Variants in PCGF6 observed in about 807,000 individuals in gnomAD.
PCGF6 encodes the protein polycomb group ring finger 6.
Under a neutral mutation model 45.5 loss-of-function variants are expected in PCGF6, and 24 were observed. The ratio of observed to expected loss-of-function variants is 0.53; its 90% CI spans 0.38 to 0.74. PCGF6 has a LOEUF of 0.74. Among genes scored for constraint, PCGF6 ranks in the 30% least tolerant of loss-of-function variants. PCGF6 has a pLI of 0.00. For missense variants in PCGF6, 356 were observed against 443.2 expected, an observed-to-expected ratio of 0.80 and a Z score of 1.77; for synonymous variants, 152 against 162.1, an observed-to-expected ratio of 0.94 and a Z score of 0.47.
In PCGF6 at chr10:103,303,756, T is replaced by C; in HGVS notation, c.*149A>G. 1.6e-6 allele frequency: 1 copy of C among 643,586 alleles called. No individual in the cohort carries two copies. The highest frequency in any genetic ancestry group is 2.7e-6 in the Non-Finnish European group (1 of 370,450). The allele number at this position is 643,586 out of a possible 1,614,324, so 39.9% of individuals were successfully genotyped here. On this transcript the variant is annotated 3_prime_UTR_variant, in exon 10 of 10. Transcript: ENST00000369847. ...GCATTCCATCGTTCCAAGTTGTACT[T>C]ATAAACGCTATAATTCTTGGTGCTA...
Position 103,339,806 on chromosome 10 carries a change from AAAAAACACACACACACACACACAC to A in PCGF6, c.782+5194_782+5217del, listed in dbSNP as rs1484980141. On this transcript the variant is annotated intron_variant, in intron 6 of 9. Coordinates refer to ENST00000369847, the MANE Select transcript of PCGF6 (RefSeq NM_001011663.2). Reference sequence around the variant, plus strand: ...AAGCGAAATTCTGTCTGTCTCAAAAAAAAAACACACACACACACACACACACACACACACACACACACACACACA... The same window carrying A: ...AAGCGAAATTCTGTCTGTCTCAAAAAACACACACACACACACACACACACA... 1.2e-3 allele frequency among the ~76,000 whole-genome samples: 85 copies of A among 71,210 alleles called. 4 individuals are homozygous for A. The highest frequency in any genetic ancestry group is 4.1e-3 in the African/African-American group (77 of 18,696). The allele number at this position is 71,210 out of a possible 152,430, so 46.7% of individuals were successfully genotyped here. A position where few individuals can be genotyped will look rare whatever the true frequency, so the allele number is the denominator to read the frequency against.
At chr10:103,333,328 CA>C (rs1375656060) in intron 7 of PCGF6, among the ~76,000 whole-genome samples, 1 of 152,060 alleles carries the variant, frequency 6.6e-6, no homozygotes, top group African/African-American at 2.4e-5. Context: ...AGACACTTGA[CA>C]AAGTCACTGA....
At chr10:103,312,807 C>T (rs1399792399) in intron 9 of PCGF6, among the ~76,000 whole-genome samples, 1 of 151,920 alleles carries the variant, frequency 6.6e-6, no homozygotes, top group African/African-American at 2.4e-5. Flanking sequence ...ACTAAAAACA[C>T]AAAATTAGTT....
chr10:103,314,171 A>G lies in PCGF6; in HGVS notation c.996+15T>C. On this transcript the variant is annotated intron_variant, in intron 9 of 9. Transcript: ENST00000369847. ...AGTAACTTATCTGTTAGACATGGGT[A>G]TGTCTATAACCTACCTGCATTGCTG... 6.5e-7 allele frequency: 1 copy of G among 1,528,832 alleles called. No individual in the cohort carries two copies. Among genetic ancestry groups the G allele is most frequent in the Non-Finnish European group, 8.9e-7 (1 of 1,119,700 alleles). 94.7% of individuals were successfully genotyped at this position (1,528,832 alleles called of 1,614,324 possible).
intron 9 of PCGF6, among the ~76,000 whole-genome samples, chr10:103,309,081 C>T (rs1032202066): frequency 6.6e-6 from 1 of 151,928 alleles, no homozygotes; most frequent in Admixed American, 6.6e-5. Context: ...AAGGGACTAG[C>T]CTTGTCTCAG....
intron 3 of PCGF6, 103 bp from the exon 4 acceptor site, chr10:103,347,553 C>T (rs2093304094): frequency 1.1e-6 from 1 of 893,372 alleles, no homozygotes; most frequent in South Asian, 1.6e-5. Flanking sequence ...TATCTTTTTT[C>T]TCAGAGGTGA....
intron 8 of PCGF6, among the ~76,000 whole-genome samples, chr10:103,314,720 C>T (rs1429682725): frequency 6.6e-6 from 1 of 151,892 alleles, no homozygotes; most frequent in African/African-American, 2.4e-5. Flanking sequence ...GAGGCAGAGG[C>T]GGGCAGATCA....
At chr10:103,327,221 G>C (rs2093222048) in intron 7 of PCGF6, among the ~76,000 whole-genome samples, 1 of 152,104 alleles carries the variant, frequency 6.6e-6, no homozygotes, top group South Asian at 2.1e-4. Context: ...GGAGGCAGAG[G>C]TTGCAGAGAG....
intron 6 of PCGF6, among the ~76,000 whole-genome samples, chr10:103,339,811 AC>A (rs111576817): frequency 0.34 from 15,003 of 44,482 alleles, 1,712 homozygotes; most frequent in Non-Finnish European, 0.38. Context: ...CAAAAAAAAA[AC>A]ACACACACAC....
At chr10:103,337,863 G>A (rs1399676273) in intron 6 of PCGF6, among the ~76,000 whole-genome samples, 1 of 112,392 alleles carries the variant, frequency 8.9e-6, no homozygotes, top group Non-Finnish European at 1.9e-5. Flanking sequence ...AGGAGATCGA[G>A]ACCATCCCGG....
At chr10:103,331,771 T>A (rs1327913213) in intron 7 of PCGF6, among the ~76,000 whole-genome samples, 1 of 152,178 alleles carries the variant, frequency 6.6e-6, no homozygotes, top group African/African-American at 2.4e-5. Context: ...CTTATTATAT[T>A]CCTTCAGTGT....
chr10:103,350,062 G>A (rs1425643933), intron 1 of PCGF6, among the ~76,000 whole-genome samples: 3 of 151,096 alleles, frequency 2.0e-5, no homozygotes, highest in Admixed American at 2.0e-4. Flanking sequence ...CAGCCTGGGC[G>A]ACAGAGCGAG....
chr10:103,303,260 T>C lies in PCGF6; in HGVS notation c.*645A>G, dbSNP rs1239499711. The C allele has an allele frequency of 6.6e-6, 1 of 152,580 alleles. No homozygotes were observed. Among genetic ancestry groups the C allele is most frequent in the African/African-American group, 2.4e-5 (1 of 41,464 alleles). The allele number at this position is 152,580 out of a possible 1,614,324, so 9.5% of individuals were successfully genotyped here. The stretch of plus-strand genomic sequence containing the variant: ...GAAGCACCCCTTATTGGAAGATGTA[T>C]TGAAGAAGTCTTATTACACTGAAAT... On this transcript the variant is annotated 3_prime_UTR_variant, in exon 10 of 10. Transcript: ENST00000369847.
At chr10:103,325,606 G>A (rs543596828) in intron 8 of PCGF6, among the ~76,000 whole-genome samples, 3 of 152,174 alleles carry the variant, frequency 2.0e-5, no homozygotes, top group Non-Finnish European at 2.9e-5. Context: ...TAAAGAAAGC[G>A]GATGATAAGC....
At position 103,305,215 on chromosome 10, in the gene PCGF6, TA is replaced by T. The variant is rs1564720985; in HGVS notation, c.997-1255del. Among the ~76,000 whole-genome samples the T allele has an allele frequency of 2.3e-4, 31 of 135,950 alleles. No homozygotes were observed. The South Asian group carries it at 8.3e-3, about 36-fold the overall frequency. The allele number at this position is 135,950 out of a possible 152,430, so 89.2% of individuals were successfully genotyped here. A position where few individuals can be genotyped will look rare whatever the true frequency, so the allele number is the denominator to read the frequency against. On this transcript the variant is annotated intron_variant, in intron 9 of 9. Transcript: ENST00000369847. ...TCTCAAACTCTTGAGCTTCAAGCAA[TA>T]CCCCCATCTTGGCTTCCCAAAGTGT...
intron 8 of PCGF6, among the ~76,000 whole-genome samples, chr10:103,320,638 C>T (rs1313578418): frequency 1.3e-5 from 2 of 151,902 alleles, no homozygotes; most frequent in Non-Finnish European, 2.9e-5. Context: ...GGTGAGCCGA[C>T]ATCATCGCAC....
Position 103,350,793 on chromosome 10 carries a change from C to A in PCGF6, c.274G>T (p.Glu92Ter). 6.4e-7 allele frequency: 1 copy of A among 1,556,668 alleles called. No homozygotes were observed. The change falls in exon 1 of 10, where the codon GAG becomes TAG. Residue 92 changes from glutamate to a stop codon, truncating the protein, a stop_gained. Coordinates refer to ENST00000369847, the MANE Select transcript of PCGF6 (RefSeq NM_001011663.2). LOFTEE classifies it high-confidence loss of function. ...EELEEEEELEEEEEEEEEDMS... is the reference protein window; with the variant it reads ...EELEEEEELE ...TCCTCCTCCTCCTCCTCTTCTTCCT[C>A]CTCCAGCTCCTCTTCTTCTTCCAAC...
intron 9 of PCGF6, among the ~76,000 whole-genome samples, chr10:103,310,767 T>C (rs1279542985): frequency 2.0e-5 from 3 of 152,176 alleles, no homozygotes. Context: ...AGTGGTGTGA[T>C]CATGGATCAC....
At chr10:103,349,076 T>G in intron 1 of PCGF6, 77 bp from the exon 2 acceptor site, 4 of 1,261,588 alleles carry the variant, frequency 3.2e-6, no homozygotes, top group African/African-American at 1.5e-5. Context: ...TGAGACAGAG[T>G]CTCACTCTGT....
Sources: allele counts gnomAD v4.1 joint callset (sites outside exome capture counted in the v4.1 genomes callset), GRCh38; gene constraint gnomAD v4.1.1; transcripts MANE v1.5; gene names NCBI Gene and HGNC (gene_info 2026-07-23, HGNC 2026-07-21).